The following PCGF5 variants were observed in gnomAD, a reference collection of about 807,000 sequenced individuals.
PCGF5 encodes the protein polycomb group ring finger 5.
In PCGF5, 9 loss-of-function variants were observed where a neutral mutation model predicts 44.3. That is an observed-to-expected ratio of 0.20 (90% CI 0.12 to 0.35). PCGF5 has a LOEUF of 0.35. Among genes scored for constraint, PCGF5 ranks in the 10% least tolerant of loss-of-function variants. The pLI, the probability that PCGF5 is intolerant of heterozygous loss-of-function variation, is 1.00. For missense variants in PCGF5, 146 were observed against 305.3 expected, an observed-to-expected ratio of 0.48 and a Z score of 3.89; for synonymous variants, 95 against 102.5, an observed-to-expected ratio of 0.93 and a Z score of 0.44.
At chr10:91,210,756 CAT>C (rs1325900415) in intron 1 of PCGF5, among the ~76,000 whole-genome samples, 1 of 152,228 alleles carries the variant, frequency 6.6e-6, no homozygotes, top group Non-Finnish European at 1.5e-5. Flanking sequence ...CTGTGAGCTA[CAT>C]TTAAAAATAA....
At chr10:91,165,814 C>T (rs960484108) in intron 1 of PCGF5, among the ~76,000 whole-genome samples, 6 of 151,738 alleles carry the variant, frequency 4.0e-5, no homozygotes, top group Non-Finnish European at 1.5e-5. Context: ...TAATAATATC[C>T]CTTTAGAGGA....
chr10:91,163,844 T>TG (rs537735582), intron 1 of PCGF5, among the ~76,000 whole-genome samples: 168 of 95,134 alleles, frequency 1.8e-3, no homozygotes, highest in African/African-American at 5.8e-3. Flanking sequence ...GGTGGTGGGG[T>TG]GGGGGGGCAC....
chr10:91,232,956 G>A (rs1169707638), intron 2 of PCGF5, among the ~76,000 whole-genome samples: 1 of 152,184 alleles, frequency 6.6e-6, no homozygotes, highest in East Asian at 1.9e-4. Flanking sequence ...CAGTCAGCAT[G>A]GTTGCATGTT....
At chr10:91,171,241 G>A (rs148101936) in intron 1 of PCGF5, among the ~76,000 whole-genome samples, 53 of 152,350 alleles carry the variant, frequency 3.5e-4, no homozygotes, top group African/African-American at 1.2e-3. Flanking sequence ...AAAGAAGTTA[G>A]ATGAAAACAA....
chr10:91,245,722 T>C (rs556141955), intron 3 of PCGF5, among the ~76,000 whole-genome samples: 2 of 152,140 alleles, frequency 1.3e-5, no homozygotes, highest in South Asian at 4.1e-4. Context: ...GCAGATGCTA[T>C]AGGTAGGTAT....
At chr10:91,248,449 C>T in intron 3 of PCGF5, 56 bp from the exon 4 acceptor site, 1 of 1,428,928 alleles carries the variant, frequency 7.0e-7, no homozygotes, top group Non-Finnish European at 9.9e-7. Flanking sequence ...AGACTATTTA[C>T]ATGTCAGATC....
chr10:91,258,743 G>A (rs1348695859), intron 6 of PCGF5, among the ~76,000 whole-genome samples: 1 of 152,130 alleles, frequency 6.6e-6, no homozygotes, highest in Non-Finnish European at 1.5e-5. Flanking sequence ...GAAATGGGTA[G>A]AATATGTGTT....
intron 1 of PCGF5, among the ~76,000 whole-genome samples, chr10:91,212,609 AG>A (rs1399994313): frequency 6.6e-6 from 1 of 152,238 alleles, no homozygotes; most frequent in African/African-American, 2.4e-5. Context: ...AATAAATCAA[AG>A]TGGAAAATAA....
chr10:91,196,312 C>T (rs924674465), intron 1 of PCGF5, among the ~76,000 whole-genome samples: 1 of 152,116 alleles, frequency 6.6e-6, no homozygotes, highest in African/African-American at 2.4e-5. Flanking sequence ...GCCAATAAAC[C>T]ATAATCAGAC....
intron 1 of PCGF5, among the ~76,000 whole-genome samples, chr10:91,194,545 C>T (rs1844091820): frequency 6.6e-6 from 1 of 152,188 alleles, no homozygotes; most frequent in South Asian, 2.1e-4. Flanking sequence ...GATATCTGAC[C>T]TGCAGAGCTA....
At chr10:91,161,224 C>T (rs555927810), upstream of PCGF5, among the ~76,000 whole-genome samples, 16 of 152,236 alleles carry the variant, frequency 1.1e-4, no homozygotes, top group Non-Finnish European at 2.4e-4. Flanking sequence ...TCAGGATTGC[C>T]TCACCTTACC....
chr10:91,278,797 A>G lies in PCGF5; in HGVS notation c.*481A>G, dbSNP rs924539707. ...AGTATATTTAGAAAAGTGGTTTTTG[A>G]GCCACTGTCTTGTTCTTGATAAGCT... is the stretch of plus-strand genomic sequence containing the variant. On this transcript the variant is annotated 3_prime_UTR_variant, in exon 10 of 10. Transcript: ENST00000336126. The G allele has an allele frequency of 6.5e-6, 1 of 154,552 alleles. No individual in the cohort carries two copies. Among genetic ancestry groups the G allele is most frequent in the African/African-American group, 2.4e-5 (1 of 41,474 alleles). The allele number at this position is 154,552 out of a possible 1,614,324, so 9.6% of individuals were successfully genotyped here. A position where few individuals can be genotyped will look rare whatever the true frequency, so the allele number is the denominator to read the frequency against.
chr10:91,202,008 A>G (rs1225846935), intron 1 of PCGF5, among the ~76,000 whole-genome samples: 1 of 152,216 alleles, frequency 6.6e-6, no homozygotes, highest in African/African-American at 2.4e-5. Context: ...TACACTGTCC[A>G]GGATTATATC....
chr10:91,206,783 A>G (rs1245980560), intron 1 of PCGF5, among the ~76,000 whole-genome samples: 1 of 152,088 alleles, frequency 6.6e-6, no homozygotes, highest in Non-Finnish European at 1.5e-5. Flanking sequence ...TTTGCCTTAC[A>G]TTGTGTATTC....
In PCGF5 at chr10:91,236,369, A is replaced by C. The variant is rs145588188; in HGVS notation, c.113-4115A>C. Among the ~76,000 whole-genome samples, 294 of 152,338 alleles carry C rather than the reference A, an allele frequency of 1.9e-3. 3 individuals are homozygous for C. The highest frequency in any genetic ancestry group is 2.9e-3 in the Non-Finnish European group (197 of 68,036). On this transcript the variant is annotated intron_variant, in intron 2 of 9. Transcript: ENST00000336126. The stretch of plus-strand genomic sequence containing the variant: ...CAAGCCTGATATTTGGTTAGTGCTC[A>C]TTAAATATTAGCTAAGTTGTTACTT...
chr10:91,224,873 A>G (rs1342272963), intron 2 of PCGF5, among the ~76,000 whole-genome samples: 1 of 152,164 alleles, frequency 6.6e-6, no homozygotes, highest in African/African-American at 2.4e-5. Context: ...GCTACCCTAG[A>G]GTTATATTCT....
chr10:91,270,341 C>G (rs1283475683), intron 8 of PCGF5, among the ~76,000 whole-genome samples: 3 of 147,304 alleles, frequency 2.0e-5, no homozygotes, highest in African/African-American at 7.6e-5. Context: ...GTAAGAAAAG[C>G]AAGTATATAC....
chr10:91,164,900 G>T (rs182565932), intron 1 of PCGF5, among the ~76,000 whole-genome samples: 7 of 152,308 alleles, frequency 4.6e-5, no homozygotes, highest in Admixed American at 2.6e-4. Context: ...CTTTTAGTCT[G>T]ATCTCTTCTT....
intron 1 of PCGF5, among the ~76,000 whole-genome samples, chr10:91,212,527 C>A (rs776842371): frequency 1.7e-4 from 26 of 152,120 alleles, no homozygotes; most frequent in Non-Finnish European, 3.7e-4. Context: ...GCTTTTTTTT[C>A]TTGATTAATA....
Sources: allele counts gnomAD v4.1 joint callset (sites outside exome capture counted in the v4.1 genomes callset), GRCh38; gene constraint gnomAD v4.1.1; transcripts MANE v1.5; gene names NCBI Gene and HGNC (gene_info 2026-07-23, HGNC 2026-07-21).